The following SRRM4 variants were observed in gnomAD, a reference collection of about 807,000 sequenced individuals.
SRRM4 encodes serine/arginine repetitive matrix protein 4.
Under a neutral mutation model 68.9 loss-of-function variants are expected in SRRM4, and 33 were observed. The observed-to-expected ratio is 0.48, with a 90% CI of 0.36 to 0.64. The LOEUF (loss-of-function observed/expected upper bound fraction) is 0.64. Among genes scored for constraint, SRRM4 ranks in the 30% least tolerant of loss-of-function variants. The pLI is 0.00. For missense variants in SRRM4, 817 were observed against 827.1 expected, an observed-to-expected ratio of 0.99 and a Z score of 0.15; for synonymous variants, 318 against 318.8, an observed-to-expected ratio of 1.00 and a Z score of 0.03.
chr12:119,084,628 A>G (rs1369148158), intron 1 of SRRM4, among the ~76,000 whole-genome samples: 1 of 152,104 alleles, frequency 6.6e-6, no homozygotes. Flanking sequence ...ATGTTTACTG[A>G]AGACGGATGG....
At chr12:119,036,072 A>G (rs747935083) in intron 1 of SRRM4, among the ~76,000 whole-genome samples, 5 of 152,144 alleles carry the variant, frequency 3.3e-5, no homozygotes, top group African/African-American at 4.8e-5. Context: ...TAAGAGATAG[A>G]TGGAGCCAAT....
intron 5 of SRRM4, among the ~76,000 whole-genome samples, chr12:119,120,951 G>A (rs73213769): frequency 6.6e-6 from 1 of 152,190 alleles, no homozygotes; most frequent in Non-Finnish European, 1.5e-5. Flanking sequence ...ACCACATCTA[G>A]AGCAATCTGC....
chr12:119,100,671 T>A (rs1041565621), intron 1 of SRRM4, among the ~76,000 whole-genome samples: 1 of 152,178 alleles, frequency 6.6e-6, no homozygotes, highest in African/African-American at 2.4e-5. Context: ...AGTTAACAAA[T>A]GCAGGTTACC....
Position 119,130,804 on chromosome 12 carries a change from G to A in SRRM4, c.741G>A (p.Gln247=). ...QSSRPPSQPL[Q]MLGYLSARGV... ...GTCGCCCGCCCAGTCAACCCCTCCA[G>A]ATGCTTGGCTACCTGTCAGCCAGGG... The change falls in exon 8 of 13, where the codon CAG becomes CAA. Residue 247 remains glutamine, a synonymous_variant. Transcript: ENST00000267260. 6.2e-7 allele frequency: 1 copy of A among 1,607,336 alleles called. No homozygotes were observed. The highest frequency in any genetic ancestry group is 1.1e-5 in the South Asian group (1 of 90,880).
At chr12:118,988,649 G>A (rs1333534631) in intron 1 of SRRM4, among the ~76,000 whole-genome samples, 1 of 152,134 alleles carries the variant, frequency 6.6e-6, no homozygotes, top group Non-Finnish European at 1.5e-5. Context: ...AAAAAAATTA[G>A]GTTGTACTTT....
intron 1 of SRRM4, chr12:119,069,666 C>T (rs1953866027): frequency 6.6e-6 from 1 of 152,202 alleles, no homozygotes; most frequent in Admixed American, 6.5e-5. Flanking sequence ...TAAATCCGTG[C>T]TCTTGCTTCT....
chr12:119,046,665 G>A (rs945061759), intron 1 of SRRM4, among the ~76,000 whole-genome samples: 8 of 152,110 alleles, frequency 5.3e-5, no homozygotes, highest in Non-Finnish European at 1.2e-4. Flanking sequence ...TTGCTGTTTT[G>A]TGTTTGTATG....
At position 118,999,910 on chromosome 12, in the gene SRRM4, C is replaced by T. The variant is rs1018375471; in HGVS notation, c.131+17897C>T. 9.2e-5 allele frequency among the ~76,000 whole-genome samples: 14 copies of T among 152,300 alleles called. 1 individual carries two copies. The highest frequency in any genetic ancestry group is 2.6e-4 in the Admixed American group (4 of 15,304). The stretch of plus-strand genomic sequence containing the variant: ...TATATTTGTGCCTTAGAGTGGTGCT[C>T]TAATACTAGGCACTAAGTAGAAGAA... On this transcript the variant is annotated intron_variant, in intron 1 of 12. Transcript: ENST00000267260.
chr12:119,158,927 C>G lies in SRRM4; in HGVS notation c.*2129C>G, dbSNP rs905628173. On this transcript the variant is annotated 3_prime_UTR_variant, in exon 13 of 13. Coordinates refer to ENST00000267260, the MANE Select transcript of SRRM4 (RefSeq NM_194286.4). ...TTATTTGATGACTGTCTCTCTTTCT[C>G]GCCATTAGCAGTATTGAATTATTTA... is the stretch of plus-strand genomic sequence containing the variant. 6.6e-6 allele frequency: 1 copy of G among 151,622 alleles called. No individual in the cohort carries two copies. The highest frequency in any genetic ancestry group is 1.5e-5 in the Non-Finnish European group (1 of 67,982). The allele number at this position is 151,622 out of a possible 1,614,324, so 9.4% of individuals were successfully genotyped here.
intron 1 of SRRM4, among the ~76,000 whole-genome samples, chr12:119,013,339 TAA>T (rs2135998297): frequency 6.6e-6 from 1 of 152,342 alleles, no homozygotes; most frequent in East Asian, 1.9e-4. Flanking sequence ...GAACCAGGGT[TAA>T]GATTCAAATG....
At chr12:118,982,721 C>T (rs1953258547) in intron 1 of SRRM4, among the ~76,000 whole-genome samples, 1 of 134,688 alleles carries the variant, frequency 7.4e-6, no homozygotes, top group Admixed American at 8.1e-5. Flanking sequence ...TTGCTTTGAA[C>T]TCAGGGATGA....
intron 1 of SRRM4, among the ~76,000 whole-genome samples, chr12:119,057,317 C>T (rs1953782937): frequency 6.6e-6 from 1 of 152,132 alleles, no homozygotes; most frequent in African/African-American, 2.4e-5. Context: ...TGCCCAGCAT[C>T]CACTAGCTAT....
intron 1 of SRRM4, among the ~76,000 whole-genome samples, chr12:119,015,358 A>G (rs1247963536): frequency 6.6e-6 from 1 of 152,166 alleles, no homozygotes; most frequent in African/African-American, 2.4e-5. Flanking sequence ...ACTGCTATTG[A>G]CATTGCTTAC....
intron 1 of SRRM4, among the ~76,000 whole-genome samples, chr12:119,089,646 T>C (rs1954002332): frequency 6.6e-6 from 1 of 152,234 alleles, no homozygotes; most frequent in Non-Finnish European, 1.5e-5. Context: ...TGCTGATGAT[T>C]GGTGCTGGAG....
At chr12:119,035,795 C>T (rs1402804137) in intron 1 of SRRM4, among the ~76,000 whole-genome samples, 1 of 152,094 alleles carries the variant, frequency 6.6e-6, no homozygotes, top group African/African-American at 2.4e-5. Context: ...TTTCTGCTTG[C>T]AGTAACTCTA....
chr12:119,120,103 C>G, intron 4 of SRRM4, 147 bp from the exon 5 acceptor site: 2 of 504,198 alleles, frequency 4.0e-6, no homozygotes, highest in Non-Finnish European at 7.1e-6. Flanking sequence ...GTTTTCCCCT[C>G]CCTCCCTTCC....
chr12:119,095,716 A>C (rs1425050200), intron 1 of SRRM4, among the ~76,000 whole-genome samples: 1 of 152,150 alleles, frequency 6.6e-6, no homozygotes, highest in Non-Finnish European at 1.5e-5. Flanking sequence ...ACATAAGACC[A>C]GTCCTATCTT....
At chr12:119,015,608 G>T (rs1025474348) in intron 1 of SRRM4, among the ~76,000 whole-genome samples, 1 of 151,842 alleles carries the variant, frequency 6.6e-6, no homozygotes, top group Non-Finnish European at 1.5e-5. Context: ...ACTGCATTTA[G>T]AACTACCCTG....
intron 1 of SRRM4, among the ~76,000 whole-genome samples, chr12:119,093,911 G>T (rs1954028831): frequency 6.6e-6 from 1 of 152,172 alleles, no homozygotes; most frequent in Non-Finnish European, 1.5e-5. Context: ...AGGGAGAAAT[G>T]ACTGGGTGGA....
Sources: gnomAD v4.1 joint callset for allele counts (sites outside exome capture counted in the v4.1 genomes callset) on GRCh38, gnomAD v4.1.1 for gene constraint, MANE v1.5 for transcripts, NCBI Gene and HGNC (gene_info 2026-07-23, HGNC 2026-07-21) for gene names.